The following LAS1L variants were observed in gnomAD, a reference collection of about 807,000 sequenced individuals.
LAS1L encodes the protein LAS1 like ribosome biogenesis factor.
In LAS1L, 5 loss-of-function variants were observed where a neutral mutation model predicts 57.3. The observed-to-expected ratio is 0.09, with a 90% CI of 0.05 to 0.18. The LOEUF (loss-of-function observed/expected upper bound fraction) is 0.18. LAS1L is among the 10% of genes least tolerant of loss of function. The probability of loss-of-function intolerance (pLI) is 1.00; values close to 1 mark genes in which losing one functional copy is unlikely to be tolerated. For missense variants in LAS1L, 360 were observed against 568.3 expected (o/e 0.63, Z 3.73); for synonymous variants, 245 against 231.7 (o/e 1.06, Z -0.52).
Position 65,529,961 on chromosome X carries a change from A to G in LAS1L, c.515-83T>C, listed in dbSNP as rs2069384628. 5 of 911,605 alleles carry G rather than the reference A, an allele frequency of 5.5e-6. No individual in the cohort carries two copies. In the South Asian group the frequency reaches 9.5e-5, roughly 17 times the overall value. 75.1% of individuals were successfully genotyped at this position (911,605 alleles called of 1,213,427 possible). A position where few individuals can be genotyped will look rare whatever the true frequency, so the allele number is the denominator to read the frequency against. ...AGCCTCATCTTGTGGGTATTATAGG[A>G]AGGCCCCAGGAAAAGGCTTGGCTCC... On this transcript the variant is annotated intron_variant, in intron 4 of 13. Transcript: ENST00000374811.
intron 13 of LAS1L, among the ~76,000 whole-genome samples, chrX:65,514,514 C>A (rs1437391453): frequency 1.2e-5 from 1 of 84,985 alleles, no homozygotes; most frequent in Non-Finnish European, 2.3e-5. Flanking sequence ...CTTCTCCTCC[C>A]AAAATGTGTG....
intron 1 of LAS1L, 58 bp from the exon 2 acceptor site, chrX:65,533,793 C>T: frequency 8.7e-7 from 1 of 1,153,831 alleles, no homozygotes; most frequent in Non-Finnish European, 1.2e-6. Context: ...CCACCCTCCA[C>T]CTCAGAACCT....
chrX:65,514,743 A>C (rs2068569892), intron 13 of LAS1L, 80 bp downstream of exon 13: 2 of 992,762 alleles, frequency 2.0e-6, no homozygotes, highest in South Asian at 2.5e-5. Context: ...TACCTCCCCC[A>C]CCCACCTCAC....
In LAS1L at chrX:65,529,822, T is replaced by C; in HGVS notation, c.571A>G (p.Asn191Asp). ...AACTCCCAGGTCTCTCTCAGGCTGT[T>C]CTCCAGTTGGCGGCACCAATAGGTC... ...QKTYWCRQLE[N>D]SLRETWELEE... Residue 191 changes from asparagine to aspartate, a missense_variant, in exon 5 of 14, where the codon AAC becomes GAC. By Grantham distance (23) the Asn-to-Asp change is conservative. Around this residue, in one of 7 missense-constraint regions of LAS1L, gnomAD observed 43 missense variants for 78.0 expected, o/e 0.55. Transcript: ENST00000374811. 4 of 1,211,487 alleles carry C rather than the reference T, an allele frequency of 3.3e-6. No homozygotes were observed. Among genetic ancestry groups the C allele is most frequent in the Non-Finnish European group, 3.4e-6 (3 of 895,375 alleles).
chrX:65,518,152 G>C lies in LAS1L; in HGVS notation c.1762C>G (p.Gln588Glu), dbSNP rs1458059904. Residue 588 changes from glutamine (Q) to glutamate (E), a missense_variant, in exon 12 of 14, where the codon CAA becomes GAA. Around this residue, in one of 7 missense-constraint regions of LAS1L, gnomAD observed 123 missense variants for 168.3 expected, o/e 0.73. Transcript: ENST00000374811. Reference protein sequence around the residue: ...QVEEEEENDDQEEEEEDEDDE... With the variant: ...QVEEEEENDDEEEEEEDEDDE... Reference sequence around the variant, plus strand: ...TCTTCATCCTCCTCTTCCTCCTCTTGGTCATCATTTTCTTCCTCCTCCTCT... The same window carrying C: ...TCTTCATCCTCCTCTTCCTCCTCTTCGTCATCATTTTCTTCCTCCTCCTCT... 1 of 1,196,398 alleles carries C rather than the reference G, an allele frequency of 8.4e-7. No homozygotes were observed. Among genetic ancestry groups the C allele is most frequent in the Non-Finnish European group, 1.1e-6 (1 of 883,047 alleles).
At chrX:65,525,820 C>CAGCAACA (rs1431436071) in intron 7 of LAS1L, among the ~76,000 whole-genome samples, 1 of 107,237 alleles carries the variant, frequency 9.3e-6, no homozygotes, top group Non-Finnish European at 1.9e-5. Flanking sequence ...AAACCTACAC[C>CAGCAACA]AGCAACAGCA....
chrX:65,514,649 C>T (rs1328298568), intron 13 of LAS1L, among the ~76,000 whole-genome samples, 174 bp downstream of exon 13: 7 of 110,391 alleles, frequency 6.3e-5, no homozygotes, highest in African/African-American at 2.3e-4. Context: ...TGGCTCCCCA[C>T]ACTAGGGACA....
At chrX:65,517,614 GCA>G (rs1016532050) in intron 12 of LAS1L, among the ~76,000 whole-genome samples, 1 of 111,237 alleles carries the variant, frequency 9.0e-6, no homozygotes, top group Non-Finnish European at 1.9e-5. Flanking sequence ...CAGCCTCAAG[GCA>G]CACACACACA....
intron 11 of LAS1L, 45 bp from the exon 12 acceptor site, chrX:65,518,510 G>T: frequency 8.7e-7 from 1 of 1,144,436 alleles, no homozygotes. Context: ...AAAATCTCAA[G>T]CCACTTCATA....
At chrX:65,528,608 T>A (rs1212161846) in intron 6 of LAS1L, among the ~76,000 whole-genome samples, 1 of 112,398 alleles carries the variant, frequency 8.9e-6, no homozygotes, top group East Asian at 2.8e-4. Context: ...TTCCTGTGGG[T>A]AAATACTGAG....
chrX:65,513,797 T>C (rs2068527782), intron 13 of LAS1L, among the ~76,000 whole-genome samples: 1 of 112,263 alleles, frequency 8.9e-6, no homozygotes, highest in Non-Finnish European at 1.9e-5. Context: ...TTGCTATCCA[T>C]GGTACTCAAT....
chrX:65,527,651 G>A (rs1320436359), intron 7 of LAS1L, among the ~76,000 whole-genome samples: 1 of 109,974 alleles, frequency 9.1e-6, no homozygotes, highest in Admixed American at 9.8e-5. Flanking sequence ...TCGCCAACAT[G>A]GTGAAACTCT....
In LAS1L at chrX:65,518,399, G is replaced by C. The variant is rs1480842356; in HGVS notation, c.1515C>G (p.Ser505=). 10 of 1,210,620 alleles carry C rather than the reference G, an allele frequency of 8.3e-6. No individual in the cohort carries two copies. Among genetic ancestry groups the C allele is most frequent in the Non-Finnish European group, 1.1e-5 (10 of 895,244 alleles). Residue 505 remains serine (S), a synonymous_variant, in exon 12 of 14, where the codon TCC becomes TCG. Transcript: ENST00000374811. ...TGTTTTCTCCACTCTGGGTATAAAT[G>C]GAACAGATGCGCAGCAGCTTCTCCT... is the stretch of plus-strand genomic sequence containing the variant. ...EEQEKLLRIC[S]IYTQSGENSL... is the part of the protein sequence containing the mutation.
intron 10 of LAS1L, 75 bp from the exon 11 acceptor site, chrX:65,523,782 G>T (rs2068981900): frequency 2.8e-6 from 3 of 1,053,498 alleles, no homozygotes; most frequent in Non-Finnish European, 3.8e-6. Flanking sequence ...AGAAAGTTTG[G>T]CTCTGTCCCT....
chrX:65,519,511 CACAG>C lies in LAS1L; in HGVS notation c.1449-1050_1449-1047del, dbSNP rs777456801. 1.8e-3 allele frequency among the ~76,000 whole-genome samples: 205 copies of C among 111,934 alleles called. 1 individual carries two copies. The highest frequency in any genetic ancestry group is 6.1e-3 in the African/African-American group (187 of 30,802). ...GGAGGGAGTGAAGCTGTGAAGGACA[CACAG>C]ACAGACAGAGAGCAGGGCTTGGTGA... On this transcript the variant is annotated intron_variant, in intron 11 of 13. Coordinates refer to ENST00000374811, the MANE Select transcript of LAS1L (RefSeq NM_031206.7).
intron 11 of LAS1L, 50 bp from the exon 12 acceptor site, chrX:65,518,515 T>C: frequency 8.8e-7 from 1 of 1,139,374 alleles, no homozygotes; most frequent in Non-Finnish European, 1.2e-6. Flanking sequence ...CTCAAGCCAC[T>C]TCATACCCCA....
At chrX:65,534,061 A>G (rs1373243042) in intron 1 of LAS1L, among the ~76,000 whole-genome samples, 3 of 111,068 alleles carry the variant, frequency 2.7e-5, no homozygotes, top group African/African-American at 6.6e-5. Flanking sequence ...TCGGCTCCCA[A>G]CTCAATCTTA....
chrX:65,532,284 G>A (rs1213548234), intron 3 of LAS1L, among the ~76,000 whole-genome samples: 2 of 112,769 alleles, frequency 1.8e-5, no homozygotes, highest in African/African-American at 6.4e-5. Context: ...GAGGGCAGGT[G>A]CTGTGACTGT....
In LAS1L at chrX:65,528,317, G is replaced by A; in HGVS notation, c.899C>T (p.Pro300Leu). 2 of 1,200,703 alleles carry A rather than the reference G, an allele frequency of 1.7e-6. No individual in the cohort carries two copies. The highest frequency in any genetic ancestry group is 2.3e-6 in the Non-Finnish European group (2 of 888,853). ...LPKAIKAWNN[P>L]SPRVECVLAE... The stretch of plus-strand genomic sequence containing the variant: ...CAGGACACATTCTACACGTGGGGAC[G>A]GGTTATTCCACGCCTTAATGGCCTT... Residue 300 changes from proline (P) to leucine (L), a missense_variant, in exon 7 of 14, where the codon CCG becomes CTG. This residue lies in a region of LAS1L where 81 missense variants were observed against 192.1 expected (regional missense o/e 0.42). Transcript: ENST00000374811.
Sources: gnomAD v4.1 joint callset for allele counts (sites outside exome capture counted in the v4.1 genomes callset) on GRCh38, gnomAD v4.1.1 for gene constraint, gnomAD v4.1.1 regional missense constraint, MANE v1.5 for transcripts, NCBI Gene and HGNC (gene_info 2026-07-23, HGNC 2026-07-21) for gene names.